Variants in MYO7A observed in about 807,000 individuals in gnomAD.
MYO7A encodes the protein myosin VIIA, also known as unconventional myosin-VIIa.
Under a neutral mutation model 263.8 loss-of-function variants are expected in MYO7A, and 210 were observed. That is an observed-to-expected ratio of 0.80 (90% confidence interval 0.71 to 0.89). The LOEUF (loss-of-function observed/expected upper bound fraction) is 0.89. Ranked by LOEUF, MYO7A falls within the 40% of genes least tolerant of loss-of-function variation. The probability of loss-of-function intolerance (pLI) is 0.00; values close to 1 mark genes in which losing one functional copy is unlikely to be tolerated. For missense variants in MYO7A, 2,820 were observed against 2,968.3 expected, an observed-to-expected ratio of 0.95 and a Z score of 1.16; for synonymous variants, 1,239 against 1,197.3, an observed-to-expected ratio of 1.03 and a Z score of -0.72.
chr11:77,208,389 T>TC (rs1395874876), intron 42 of MYO7A, 41 bp from the exon 43 acceptor site: 1 of 1,478,772 alleles, frequency 6.8e-7, no homozygotes, highest in Non-Finnish European at 9.4e-7. Flanking sequence ...GAAAATGCAG[T>TC]GTTGCTTAAA....
chr11:77,205,599 G>A lies in MYO7A; in HGVS notation c.5618G>A (p.Arg1873Gln), dbSNP rs397516322. 5.8e-5 allele frequency: 93 copies of A among 1,613,414 alleles called. No individual in the cohort carries two copies. Among genetic ancestry groups the A allele is most frequent in the Non-Finnish European group, 6.9e-5 (81 of 1,179,812 alleles). The change falls in exon 40 of 49, where the codon CGG becomes CAG. Residue 1873 changes from arginine (R) to glutamine (Q), a missense_variant. Coordinates refer to ENST00000409709, the MANE Select transcript of MYO7A (RefSeq NM_000260.4). Reference protein sequence around the residue: ...HCPLAIDCLQRLQKALRNGSR... With the variant: ...HCPLAIDCLQQLQKALRNGSR... ...CCACTCGCCATCGACTGCCTGCAAC[G>A]GCTCCAGAAAGCCCTGAGGTACAGC...
At chr11:77,157,437 G>A (rs782503143) in intron 8 of MYO7A, 45 bp downstream of exon 8, 3 of 1,349,424 alleles carry the variant, frequency 2.2e-6, no homozygotes, top group Admixed American at 4.0e-5. Context: ...CCCACCCTAG[G>A]ATTGTAGGGA....
rs34765389 is a variant in MYO7A at position 77,215,200 on chromosome 11, C to T, written c.*504C>T. 11,854 of 160,464 alleles carry T rather than the reference C, an allele frequency of 0.074. 578 individuals are homozygous for T. The highest frequency in any genetic ancestry group is 0.13 in the Middle Eastern group (42 of 328). The allele number at this position is 160,464 out of a possible 1,614,324, so 9.9% of individuals were successfully genotyped here. Reference sequence around the variant, plus strand: ...ATGCTGGGCCCCTGCTCAAGTCTACCCTGATCACCTCAGGGCATAAAGCAT... The same window carrying T: ...ATGCTGGGCCCCTGCTCAAGTCTACTCTGATCACCTCAGGGCATAAAGCAT... On this transcript the variant is annotated 3_prime_UTR_variant, in exon 49 of 49. Transcript: ENST00000409709.
At position 77,199,597 on chromosome 11, in the gene MYO7A, G is replaced by T; in HGVS notation, c.4631G>T (p.Gly1544Val). The change falls in exon 35 of 49, where the codon GGC (glycine) becomes GTC (valine). Residue 1544 changes from glycine to valine, a missense_variant. Transcript: ENST00000409709. The stretch of plus-strand genomic sequence containing the variant: ...CTTGGCTGTGCTGCGCCTCACTCAG[G>T]CTGGGCAGGACTGACCCCGGCGGGG... ...SDLGCAAPHS[G>V]WAGLTPAGPC... 2 of 1,588,544 alleles carry T rather than the reference G, an allele frequency of 1.3e-6. No individual in the cohort carries two copies. Among genetic ancestry groups the T allele is most frequent in the African/African-American group, 1.3e-5 (1 of 74,638 alleles).
At chr11:77,160,310 T>C in intron 11 of MYO7A, 28 bp downstream of exon 11, 1 of 1,545,882 alleles carries the variant, frequency 6.5e-7, no homozygotes, top group Non-Finnish European at 8.7e-7. Flanking sequence ...GGCCGCTTGC[T>C]CGCCCTACCC....
rs570756245 is a variant in MYO7A at position 77,175,010 on chromosome 11, G to A, written c.2094+96G>A. The stretch of plus-strand genomic sequence containing the variant: ...CTTATCAGGACCATGGGCGGGGCTT[G>A]ACATCTGCTTGACCTCTCAGGTGCA... On this transcript the variant is annotated intron_variant, in intron 17 of 48. Transcript: ENST00000409709. 5 of 1,490,834 alleles carry A rather than the reference G, an allele frequency of 3.4e-6. No homozygotes were observed. In the African/African-American group the frequency reaches 5.5e-5, roughly 16 times the overall value. 92.4% of individuals were successfully genotyped at this position (1,490,834 alleles called of 1,614,324 possible).
chr11:77,157,793 C>T (rs1489833713), intron 8 of MYO7A, among the ~76,000 whole-genome samples: 1 of 152,204 alleles, frequency 6.6e-6, no homozygotes, highest in Non-Finnish European at 1.5e-5. Flanking sequence ...CTGGCTGGCA[C>T]ACACGTGCAC....
rs1565496290 is a variant in MYO7A, at chr11:77,214,593, A to T, written c.6559-14A>T. On this transcript the variant is annotated splice_polypyrimidine_tract_variant and intron_variant, in intron 48 of 48. Transcript: ENST00000409709. ...CCACCGTGTGCTCGCTTATCTTCTC[A>T]CCCCTGCTTCCAGGGCTACAAGATG... is the stretch of plus-strand genomic sequence containing the variant. 1 of 1,546,396 alleles carries T rather than the reference A, an allele frequency of 6.5e-7. No homozygotes were observed. Among genetic ancestry groups the T allele is most frequent in the Admixed American group, 1.9e-5 (1 of 52,294 alleles).
chr11:77,158,827 G>A (rs1489927401), intron 9 of MYO7A, among the ~76,000 whole-genome samples: 3 of 152,206 alleles, frequency 2.0e-5, no homozygotes, highest in African/African-American at 4.8e-5. Context: ...GGAAGGGAAC[G>A]TGTTCACTCA....
chr11:77,201,326 C>T, intron 35 of MYO7A, 122 bp from the exon 36 acceptor site: 1 of 967,184 alleles, frequency 1.0e-6, no homozygotes, highest in Non-Finnish European at 1.6e-6. Context: ...AGAGTTGTGA[C>T]AAGGTGGAGG....
At chr11:77,190,488 G>A (rs568584887) in intron 29 of MYO7A, among the ~76,000 whole-genome samples, 12 of 152,270 alleles carry the variant, frequency 7.9e-5, no homozygotes, top group Non-Finnish European at 1.6e-4. Context: ...CCAGGCCCTG[G>A]CTCAGGGGTC....
In MYO7A at chr11:77,198,546, T is replaced by C. The variant is rs370904748; in HGVS notation, c.4493T>C (p.Val1498Ala). Residue 1498 changes from valine (V) to alanine (A), a missense_variant, in exon 34 of 49, where the codon GTG becomes GCG. Transcript: ENST00000409709. ...ATCGTGGCCGTCAACTGGACGGGTGTGTACTTTGTGGATGAGCAGGAGCAG... is the reference window on the plus strand; with the variant it reads ...ATCGTGGCCGTCAACTGGACGGGTGCGTACTTTGTGGATGAGCAGGAGCAG... Reference protein sequence around the residue: ...DVIVAVNWTGVYFVDEQEQVL... With the variant: ...DVIVAVNWTGAYFVDEQEQVL... 6.2e-7 allele frequency: 1 copy of C among 1,613,876 alleles called. No individual in the cohort carries two copies. The highest frequency in any genetic ancestry group is 8.5e-7 in the Non-Finnish European group (1 of 1,179,888).
Position 77,146,559 on chromosome 11 carries a change from T to G in MYO7A, c.133-1239T>G, listed in dbSNP as rs558478812. 6.6e-5 allele frequency among the ~76,000 whole-genome samples: 10 copies of G among 152,134 alleles called. No homozygotes were observed. The East Asian group carries it at 1.7e-3, about 26-fold the overall frequency. On this transcript the variant is annotated intron_variant, in intron 3 of 48. Coordinates refer to ENST00000409709, the MANE Select transcript of MYO7A (RefSeq NM_000260.4). ...GGCAGGACTGGGTGACCTGTTGGAC[T>G]GGGGTGGTGGTGGGGGGAGCTGATG...
At chr11:77,178,422 A>T (rs1287473483) in intron 19 of MYO7A, among the ~76,000 whole-genome samples, 1 of 151,534 alleles carries the variant, frequency 6.6e-6, no homozygotes, top group Admixed American at 6.6e-5. Flanking sequence ...CCATTCATCC[A>T]TTCACCCACC....
chr11:77,143,965 G>A lies in MYO7A; in HGVS notation c.132+1143G>A, dbSNP rs140633243. The stretch of plus-strand genomic sequence containing the variant: ...TGCAAGACCCTTTAACCCAAGTTCT[G>A]TCTTTGGACTCTCATGGCATCTGTG... On this transcript the variant is annotated intron_variant, in intron 3 of 48. Transcript: ENST00000409709. Among the ~76,000 whole-genome samples the A allele has an allele frequency of 1.1e-3, 169 of 152,290 alleles. 1 individual carries two copies. Among genetic ancestry groups the A allele is most frequent in the African/African-American group, 3.8e-3 (157 of 41,550 alleles).
intron 42 of MYO7A, 53 bp from the exon 43 acceptor site, chr11:77,208,377 C>A: frequency 2.1e-6 from 3 of 1,400,864 alleles, no homozygotes; most frequent in South Asian, 1.2e-5. Context: ...GTGGGAAGGT[C>A]AGAAAATGCA....
rs868979094 is a variant in MYO7A, at chr11:77,160,199, C to T, written c.1117C>T (p.Arg373Cys). ...PPDLMSCLTS[R>C]TLITRGETVS... ...AGACCTGATGAGCTGCCTGACTAGC[C>T]GCACCCTCATCACCCGCGGGGAGAC... Residue 373 changes from arginine (R) to cysteine (C), a missense_variant, in exon 11 of 49, where the codon CGC (arginine) becomes TGC (cysteine). Physicochemically the swap from Arg to Cys is radical, Grantham distance 180. Coordinates refer to ENST00000409709, the MANE Select transcript of MYO7A (RefSeq NM_000260.4). 3.2e-6 allele frequency: 5 copies of T among 1,577,490 alleles called. No individual in the cohort carries two copies. Among genetic ancestry groups the T allele is most frequent in the African/African-American group, 1.3e-5 (1 of 74,088 alleles).
chr11:77,214,502 T>C (rs1287112275), intron 48 of MYO7A, 105 bp from the exon 49 acceptor site: 1 of 839,442 alleles, frequency 1.2e-6, no homozygotes, highest in Admixed American at 2.0e-5. Flanking sequence ...GATTTGCCTT[T>C]GTCCTGGGTT....
At chr11:77,143,651 AG>A (rs1160899530) in intron 3 of MYO7A, among the ~76,000 whole-genome samples, 1 of 152,192 alleles carries the variant, frequency 6.6e-6, no homozygotes, top group Non-Finnish European at 1.5e-5. Flanking sequence ...CAGAGCACAC[AG>A]GGGCAGCTTA....
Sources: allele counts gnomAD v4.1 joint callset (sites outside exome capture counted in the v4.1 genomes callset), GRCh38; gene constraint gnomAD v4.1.1; transcripts MANE v1.5; gene names NCBI Gene and HGNC (gene_info 2026-07-23, HGNC 2026-07-21).